Variants in ADRM1 observed in about 807,000 individuals in gnomAD.
ADRM1 encodes the protein proteasomal ubiquitin receptor ADRM1.
Under a neutral mutation model 40.1 loss-of-function variants are expected in ADRM1, and 2 were observed. The observed-to-expected ratio is 0.05, with a 90% CI of 0.02 to 0.16. The LOEUF (loss-of-function observed/expected upper bound fraction) is 0.16, where lower values mean the gene tolerates loss of function less well. Ranked by LOEUF, ADRM1 falls within the 10% of genes least tolerant of loss-of-function variation. The pLI is 1.00. For missense variants in ADRM1, 467 were observed against 552.5 expected, an observed-to-expected ratio of 0.85 and a Z score of 1.55; for synonymous variants, 287 against 240.4, an observed-to-expected ratio of 1.19 and a Z score of -1.79.
rs774277993 is a variant in ADRM1 at position 62,306,257 on chromosome 20, C to T, written c.391C>T (p.Pro131Ser). Residue 131 changes from proline (P) to serine (S), a missense_variant, in exon 4 of 10, where the codon CCC becomes TCC. Pro to Ser is a moderately conservative substitution (Grantham distance 74, BLOSUM62 -1). Coordinates refer to ENST00000253003, the MANE Select transcript of ADRM1 (RefSeq NM_007002.4). ...CRKVNEYLNN[P>S]PMPGALGASG... ...GAAAGTCAACGAGTATCTGAACAACCCCCCGATGCCTGGGGCGCTGGGGGC... is the reference window on the plus strand; with the variant it reads ...GAAAGTCAACGAGTATCTGAACAACTCCCCGATGCCTGGGGCGCTGGGGGC... 8.1e-6 allele frequency: 13 copies of T among 1,613,056 alleles called. No individual in the cohort carries two copies. Among genetic ancestry groups the T allele is most frequent in the Non-Finnish European group, 1.0e-5 (12 of 1,179,930 alleles).
rs1331585347 is a variant in ADRM1, at chr20:62,308,413, C to T, written c.1060C>T (p.Pro354Ser). The T allele has an allele frequency of 3.1e-6, 5 of 1,609,708 alleles. No individual in the cohort carries two copies. The highest frequency in any genetic ancestry group is 3.4e-5 in the Admixed American group (2 of 59,696). ...AGCCTTGGCCTCGGGGCAGCTGGGC[C>T]CCCTCATGTGCCAGTTCGGTCTGCC... The part of the protein sequence containing the change: ...SAALASGQLG[P>S]LMCQFGLPAE... Residue 354 changes from proline to serine, a missense_variant, in exon 9 of 10, where the codon CCC becomes TCC. Coordinates refer to ENST00000253003, the MANE Select transcript of ADRM1 (RefSeq NM_007002.4).
chr20:62,308,207 CTG>C (rs756023690), intron 8 of ADRM1, 29 bp downstream of exon 8: 8 of 1,586,438 alleles, frequency 5.0e-6, no homozygotes, highest in Non-Finnish European at 6.8e-6. Flanking sequence ...GTGTCCTCCA[CTG>C]TGTGCTCAGG....
chr20:62,308,676 C>T lies in ADRM1; in HGVS notation c.1139C>T (p.Ala380Val), dbSNP rs1391787046. The change falls in exon 10 of 10, where the codon GCC becomes GTC. Residue 380 changes from alanine to valine, a missense_variant. Physicochemically the swap from Ala to Val is moderately conservative, Grantham distance 64. This residue lies in a region of ADRM1 where 418 missense variants were observed against 474.6 expected (regional missense o/e 0.88). Coordinates refer to ENST00000253003, the MANE Select transcript of ADRM1 (RefSeq NM_007002.4). ...CTAGATGTGGAAGCGTTTGCCAAAG[C>T]CATGCAGAACAACGCCAAGCCCGAG... Reference protein sequence around the residue: ...NKGDVEAFAKAMQNNAKPEQK... With the variant: ...NKGDVEAFAKVMQNNAKPEQK... 6.2e-7 allele frequency: 1 copy of T among 1,613,022 alleles called. No individual in the cohort carries two copies.
chr20:62,307,268 G>C, intron 5 of ADRM1, 103 bp from the exon 6 acceptor site: 1 of 1,176,080 alleles, frequency 8.5e-7, no homozygotes, highest in Non-Finnish European at 1.2e-6. Context: ...CTTCTTCCTG[G>C]CTTTGGTGTT....
In ADRM1 at chr20:62,304,655, T is replaced by C. The variant is rs118020282; in HGVS notation, c.330+78T>C. On this transcript the variant is annotated intron_variant, in intron 3 of 9. Coordinates refer to ENST00000253003, the MANE Select transcript of ADRM1 (RefSeq NM_007002.4). ...GGAACTTGCTTACAGTGTGGTGCAATTGGCTTTTATAAACCAGCAGGCGCC... is the reference window on the plus strand; with the variant it reads ...GGAACTTGCTTACAGTGTGGTGCAACTGGCTTTTATAAACCAGCAGGCGCC... 459 of 1,436,876 alleles carry C rather than the reference T, an allele frequency of 3.2e-4. 3 individuals are homozygous for C. In the East Asian group the frequency reaches 7.7e-3, roughly 24 times the overall value. 89.0% of individuals were successfully genotyped at this position (1,436,876 alleles called of 1,614,324 possible).
rs370258886 is a variant in ADRM1 at position 62,308,771 on chromosome 20, C to A, written c.*10C>A. On this transcript the variant is annotated 3_prime_UTR_variant, in exon 10 of 10. Transcript: ENST00000253003. Reference sequence around the variant, plus strand: ...CATGAGCCTGGACTGAGCCACGCGCCGTCCTCCGAGGAACTGGGCGCTTGC... The same window carrying A: ...CATGAGCCTGGACTGAGCCACGCGCAGTCCTCCGAGGAACTGGGCGCTTGC... 12 of 1,612,278 alleles carry A rather than the reference C, an allele frequency of 7.4e-6. No homozygotes were observed. The highest frequency in any genetic ancestry group is 1.0e-5 in the Non-Finnish European group (12 of 1,179,764).
intron 3 of ADRM1, 21 bp from the exon 4 acceptor site, chr20:62,306,176 T>TA (rs1294786153): frequency 1.2e-6 from 2 of 1,602,976 alleles, no homozygotes; most frequent in African/African-American, 2.7e-5. Context: ...CTCCTGCCCT[T>TA]ACATGCCCTT....
intron 4 of ADRM1, 26 bp from the exon 5 acceptor site, chr20:62,306,622 C>T (rs769717365): frequency 1.4e-5 from 22 of 1,584,288 alleles, no homozygotes; most frequent in African/African-American, 1.2e-4. Context: ...CTGGGGCAGG[C>T]CCGCCTGAGC....
At chr20:62,304,248 CT>C (rs1371480523) in intron 2 of ADRM1, 1 of 569,108 alleles carries the variant, frequency 1.8e-6, no homozygotes, top group Non-Finnish European at 3.2e-6. Flanking sequence ...TGAAAGGCCC[CT>C]TTCCCTGCTC....
At chr20:62,306,012 T>C (rs1347464788) in intron 3 of ADRM1, 185 bp from the exon 4 acceptor site, 1 of 690,098 alleles carries the variant, frequency 1.4e-6, no homozygotes, top group Non-Finnish European at 2.4e-6. Flanking sequence ...AGCATCGTGC[T>C]CAGGAGGCGC....
At position 62,307,735 on chromosome 20, in the gene ADRM1, G is replaced by C; in HGVS notation, c.763G>C (p.Ala255Pro). 1.2e-6 allele frequency: 2 copies of C among 1,611,928 alleles called. No homozygotes were observed. Among genetic ancestry groups the C allele is most frequent in the Non-Finnish European group, 1.7e-6 (2 of 1,179,768 alleles). The change falls in exon 7 of 10, where the codon GCA becomes CCA. Residue 255 changes from alanine (A) to proline (P), a missense_variant. Transcript: ENST00000253003. The stretch of plus-strand genomic sequence containing the variant: ...CAGTTCCGGGAATGGAGCCAGCACA[G>C]CAGCCAGCCCGACCCAGCCCATCCA... ...APSSGNGAST[A>P]ASPTQPIQLS...
intron 5 of ADRM1, 50 bp from the exon 6 acceptor site, chr20:62,307,321 T>G: frequency 6.5e-7 from 1 of 1,546,010 alleles, no homozygotes; most frequent in East Asian, 2.3e-5. Context: ...CCAGGCTCTT[T>G]CTGGTGGGCT....
At position 62,306,749 on chromosome 20, in the gene ADRM1, C is replaced by G. The variant is rs185608571; in HGVS notation, c.541+15C>G. 2,364 of 1,590,912 alleles carry G rather than the reference C, an allele frequency of 1.5e-3. 70 individuals are homozygous for G. The Admixed American group carries it at 0.039, about 26-fold the overall frequency. ...TGGAGGACTGGGTAACGTGCGCCACCCGGGCTCTCGGGCAGCTTCTGCTGG... is the reference window on the plus strand; with the variant it reads ...TGGAGGACTGGGTAACGTGCGCCACGCGGGCTCTCGGGCAGCTTCTGCTGG... On this transcript the variant is annotated intron_variant, in intron 5 of 9. Transcript: ENST00000253003.
chr20:62,304,173 G>T (rs1296360175), intron 2 of ADRM1: 2 of 497,846 alleles, frequency 4.0e-6, no homozygotes, highest in Non-Finnish European at 7.3e-6. Flanking sequence ...GAGCAGTTCA[G>T]CGTTGACTTT....
chr20:62,307,524 C>A, intron 6 of ADRM1, 72 bp downstream of exon 6: 1 of 1,597,230 alleles, frequency 6.3e-7, no homozygotes, highest in East Asian at 2.2e-5. Context: ...CCTGGCCCAG[C>A]ACCCTGGACC....
At chr20:62,304,235 A>G (rs1056161270) in intron 2 of ADRM1, 2 of 557,506 alleles carry the variant, frequency 3.6e-6, no homozygotes, top group Non-Finnish European at 6.5e-6. Context: ...CCCCGTTGCC[A>G]TCTGAAAGGC....
intron 4 of ADRM1, 108 bp downstream of exon 4, chr20:62,306,428 T>G: frequency 6.3e-7 from 1 of 1,575,518 alleles, no homozygotes; most frequent in Non-Finnish European, 8.7e-7. Context: ...AAATAGAAGA[T>G]TCTAAAAGTT....
chr20:62,308,031 C>T lies in ADRM1; in HGVS notation c.867C>T (p.Ala289=), dbSNP rs1251076626. 2 of 1,610,020 alleles carry T rather than the reference C, an allele frequency of 1.2e-6. No individual in the cohort carries two copies. Among genetic ancestry groups the T allele is most frequent in the East Asian group, 2.2e-5 (1 of 44,800 alleles). Residue 289 remains alanine, a synonymous_variant, in exon 8 of 10, where the codon GCC becomes GCT. Transcript: ENST00000253003. The part of the protein sequence containing the change: ...GPAGGQQVDL[A]SVLTPEIMAP... The stretch of plus-strand genomic sequence containing the variant: ...GTTCTTGTGCCCCAGTGGACCTGGC[C>T]AGTGTGCTGACGCCGGAGATAATGG...
Position 62,304,515 on chromosome 20 carries a change from A to T in ADRM1, c.268A>T (p.Ser90Cys). The T allele has an allele frequency of 6.2e-7, 1 of 1,613,988 alleles. No individual in the cohort carries two copies. Among genetic ancestry groups the T allele is most frequent in the Non-Finnish European group, 8.5e-7 (1 of 1,179,980 alleles). ...GTTCAAGCGGGTGCCGCAGTGCCCC[A>T]GCGGGAGGGTCTACGTGCTGAAGTT... ...CEFKRVPQCP[S>C]GRVYVLKFKA... is the part of the protein sequence containing the mutation. The change falls in exon 3 of 10, where the codon AGC (serine) becomes TGC (cysteine). Residue 90 changes from serine to cysteine, a missense_variant. By Grantham distance (112) the Ser-to-Cys change is moderately radical. Around this residue, in one of 3 missense-constraint regions of ADRM1, gnomAD observed 418 missense variants for 474.6 expected, o/e 0.88. Coordinates refer to ENST00000253003, the MANE Select transcript of ADRM1 (RefSeq NM_007002.4).
Sources: allele counts gnomAD v4.1 joint callset, GRCh38; gene constraint gnomAD v4.1.1; regional missense constraint gnomAD v4.1.1; transcripts MANE v1.5; gene names NCBI Gene and HGNC (gene_info 2026-07-23, HGNC 2026-07-21).